ZNF76: variants seen among roughly 807,000 people sequenced by gnomAD.
The protein encoded by ZNF76 is zinc finger protein 76, also known as zinc finger protein 523.
In ZNF76, 66 loss-of-function variants were observed where a neutral mutation model predicts 66.9. That is an observed-to-expected ratio of 0.99 (90% CI 0.81 to 1.21). ZNF76 has a LOEUF of 1.21. Among genes scored for constraint, ZNF76 ranks in the 50% most tolerant of loss-of-function variants. ZNF76 has a pLI of 0.00. For missense variants in ZNF76, 729 were observed against 760.3 expected (o/e 0.96, Z 0.48); for synonymous variants, 275 against 296.1 (o/e 0.93, Z 0.73).
At chr6:35,286,005 A>C (rs1220718493) in intron 2 of ZNF76, 123 bp from the exon 3 acceptor site, 18 of 842,710 alleles carry the variant, frequency 2.1e-5, no homozygotes, top group Non-Finnish European at 3.3e-5. Flanking sequence ...GGAAGATGTT[A>C]CCCATGCTTA....
intron 1 of ZNF76, among the ~76,000 whole-genome samples, chr6:35,265,852 T>C (rs1785972261): frequency 6.6e-6 from 1 of 151,832 alleles, no homozygotes; most frequent in Admixed American, 6.6e-5. Context: ...GTAGTGTGAG[T>C]TGTGAGTGAG....
chr6:35,291,962 G>T (rs998649596), intron 9 of ZNF76: 2 of 599,062 alleles, frequency 3.3e-6, no homozygotes, highest in African/African-American at 1.9e-5. Context: ...GTCCTCTCTG[G>T]GGTCCCTCAG....
chr6:35,289,576 A>G (rs559378572), intron 5 of ZNF76, among the ~76,000 whole-genome samples: 2 of 152,334 alleles, frequency 1.3e-5, no homozygotes, highest in African/African-American at 4.8e-5. Flanking sequence ...CAGAAGAGCA[A>G]TAAGGGCTCC....
chr6:35,269,280 CA>C (rs10615994), intron 1 of ZNF76, among the ~76,000 whole-genome samples: 1,858 of 82,180 alleles, frequency 0.023, 17 homozygotes, highest in African/African-American at 0.048. Context: ...GACTCTGTCT[CA>C]AAAAAAAAAA....
At chr6:35,270,541 TTTC>T (rs1786884895) in intron 1 of ZNF76, 1 of 152,182 alleles carries the variant, frequency 6.6e-6, no homozygotes, top group Admixed American at 6.5e-5. Context: ...ATTTTAATAA[TTTC>T]TTGACTATCC....
chr6:35,260,104 C>T (rs1358706581), intron 1 of ZNF76, among the ~76,000 whole-genome samples: 2 of 152,158 alleles, frequency 1.3e-5, no homozygotes, highest in Non-Finnish European at 2.9e-5. Context: ...ACACCCCACC[C>T]ACTGACCCCA....
chr6:35,279,840 A>C (rs1391882005), intron 1 of ZNF76: 1 of 151,870 alleles, frequency 6.6e-6, no homozygotes, highest in Non-Finnish European at 1.5e-5. Flanking sequence ...TATTTATCTT[A>C]TTATTATTTT....
At chr6:35,271,448 C>T (rs1787042806) in intron 1 of ZNF76, among the ~76,000 whole-genome samples, 1 of 152,224 alleles carries the variant, frequency 6.6e-6, no homozygotes, top group South Asian at 2.1e-4. Context: ...GCGGGCAGAT[C>T]ACCTGAGGTC....
chr6:35,277,949 T>G (rs1410654345), intron 1 of ZNF76, among the ~76,000 whole-genome samples: 1 of 152,100 alleles, frequency 6.6e-6, no homozygotes, highest in East Asian at 1.9e-4. Flanking sequence ...AAGCTCCGCC[T>G]CCCAGGTTTA....
chr6:35,289,532 A>C (rs937417592), intron 5 of ZNF76, among the ~76,000 whole-genome samples: 1 of 152,198 alleles, frequency 6.6e-6, no homozygotes, highest in Non-Finnish European at 1.5e-5. Context: ...AGAAAGACTA[A>C]GGGATAGTCC....
intron 1 of ZNF76, among the ~76,000 whole-genome samples, chr6:35,268,231 G>A (rs1381232911): frequency 6.6e-6 from 1 of 152,176 alleles, no homozygotes; most frequent in East Asian, 1.9e-4. Flanking sequence ...AAAGAGTCAG[G>A]TGTTAAGGAA....
chr6:35,289,154 C>G (rs922537338), intron 5 of ZNF76, among the ~76,000 whole-genome samples: 6 of 152,086 alleles, frequency 3.9e-5, no homozygotes, highest in Middle Eastern at 6.3e-3. Flanking sequence ...TCCCTCCTCT[C>G]CTCGACCTCA....
In ZNF76 at chr6:35,291,756, G is replaced by A. The variant is rs189142396; in HGVS notation, c.931+19G>A. 1.1e-4 allele frequency: 172 copies of A among 1,602,310 alleles called. No homozygotes were observed. In the African/African-American group the frequency reaches 1.6e-3, roughly 15 times the overall value. ...CACACAGGTGGGCTAGCTGGCATGC[G>A]AGGACTACCCTCACTCAGGCCCCAA... On this transcript the variant is annotated intron_variant, in intron 9 of 13. Transcript: ENST00000373953.
chr6:35,286,019 C>T, intron 2 of ZNF76, 109 bp from the exon 3 acceptor site: 1 of 993,054 alleles, frequency 1.0e-6, no homozygotes, highest in Non-Finnish European at 1.6e-6. Context: ...ATGCTTAGAC[C>T]TGCAGGCTCG....
At chr6:35,283,717 G>A (rs3798342) in intron 2 of ZNF76, among the ~76,000 whole-genome samples, 6,320 of 152,236 alleles carry the variant, frequency 0.042, 366 homozygotes, top group East Asian at 0.31. Context: ...TCTGCTGGCC[G>A]TAGCTTGCTG....
chr6:35,286,893 A>T (rs1443664022), intron 4 of ZNF76: 4 of 183,504 alleles, frequency 2.2e-5, no homozygotes, highest in Admixed American at 5.4e-5. Flanking sequence ...AGAGGGGGAA[A>T]CAGAAGTGAA....
At chr6:35,289,626 A>G (rs909681473) in intron 5 of ZNF76, among the ~76,000 whole-genome samples, 30 of 152,226 alleles carry the variant, frequency 2.0e-4, no homozygotes, top group South Asian at 8.3e-4. Context: ...GGCTTTAGCA[A>G]TATCCCAGAA....
rs563490277 is a variant in ZNF76, at chr6:35,284,077, CT to C, written c.74-2042del. On this transcript the variant is annotated intron_variant, in intron 2 of 13. Transcript: ENST00000373953. Reference sequence around the variant, plus strand: ...GAAAGGACAAATCACTTGTCATTAACTTTTTTTTTATTTTTTCTTCCTTTTT... The same window carrying C: ...GAAAGGACAAATCACTTGTCATTAACTTTTTTTTATTTTTTCTTCCTTTTT... 6.3e-3 allele frequency among the ~76,000 whole-genome samples: 948 copies of C among 151,668 alleles called. 10 individuals are homozygous for C. The highest frequency in any genetic ancestry group is 0.022 in the African/African-American group (904 of 41,384).
chr6:35,292,407 C>T lies in ZNF76; in HGVS notation c.932-147C>T, dbSNP rs1285050927. 4 of 787,426 alleles carry T rather than the reference C, an allele frequency of 5.1e-6. No individual in the cohort carries two copies. The East Asian group carries it at 1.1e-4, about 21-fold the overall frequency. The allele number at this position is 787,426 out of a possible 1,614,324, so 48.8% of individuals were successfully genotyped here. On this transcript the variant is annotated intron_variant, in intron 9 of 13. Coordinates refer to ENST00000373953, the MANE Select transcript of ZNF76 (RefSeq NM_003427.5). This position sits in a 1 kb window ranked among gnomAD's most constrained non-coding sequence, Gnocchi z 4.7. ...CTCTGTGTTCCACTGGCCATCTTCC[C>T]CAACCCTGTCCATTCAGAGTCTCAG... is the stretch of plus-strand genomic sequence containing the variant.
Sources: gnomAD v4.1 joint callset for allele counts (sites outside exome capture counted in the v4.1 genomes callset) on GRCh38, gnomAD v4.1.1 for gene constraint, Gnocchi (gnomAD v3.1) non-coding constraint, MANE v1.5 for transcripts, NCBI Gene and HGNC (gene_info 2026-07-23, HGNC 2026-07-21) for gene names.